Variants in WWC2 observed in about 807,000 individuals in gnomAD.
WWC2 encodes protein WWC2.
In WWC2, 101 loss-of-function variants were observed where a neutral mutation model predicts 138.5. The observed-to-expected ratio is 0.73, with a 90% CI of 0.62 to 0.86. The LOEUF (loss-of-function observed/expected upper bound fraction) is 0.86, where lower values mean the gene tolerates loss of function less well. Among genes scored for constraint, WWC2 ranks in the 40% least tolerant of loss-of-function variants. The pLI is 0.00. For missense variants in WWC2, 1,420 were observed against 1,419.4 expected, an observed-to-expected ratio of 1.00 and a Z score of -0.01; for synonymous variants, 558 against 538.4, an observed-to-expected ratio of 1.04 and a Z score of -0.50.
At position 183,315,715 on chromosome 4, in the gene WWC2, G is replaced by T. The variant is rs4862155; in HGVS notation, c.3565G>T (p.Ala1189Ser). 8 of 1,612,760 alleles carry T rather than the reference G, an allele frequency of 5.0e-6. No individual in the cohort carries two copies. Among genetic ancestry groups the T allele is most frequent in the Non-Finnish European group, 6.8e-6 (8 of 1,179,012 alleles). ...AAAGATAAGCATCCCATCCCTGCCA[G>T]CTGATGATGTGTGATTACATGACTT... is the stretch of plus-strand genomic sequence containing the variant. ...RAKISIPSLPADDV is the reference protein window; with the variant it reads ...RAKISIPSLPSDDV The change falls in exon 23 of 23, where the codon GCT becomes TCT. Residue 1189 changes from alanine to serine, a missense_variant. Transcript: ENST00000403733.
chr4:183,155,662 C>T (rs1733784576), intron 1 of WWC2, among the ~76,000 whole-genome samples: 1 of 152,100 alleles, frequency 6.6e-6, no homozygotes, highest in East Asian at 1.9e-4. Flanking sequence ...ATTATTCTCC[C>T]TGTTAGCAGT....
At chr4:183,229,448 C>A (rs961062020) in intron 4 of WWC2, among the ~76,000 whole-genome samples, 3 of 152,096 alleles carry the variant, frequency 2.0e-5, no homozygotes, top group Non-Finnish European at 4.4e-5. Flanking sequence ...TGGGCTGGAT[C>A]CAGTGAGTAT....
chr4:183,147,617 G>C (rs533424864), intron 1 of WWC2, among the ~76,000 whole-genome samples: 1 of 152,324 alleles, frequency 6.6e-6, no homozygotes, highest in East Asian at 1.9e-4. Context: ...TGTCATAAAA[G>C]AGAATATTGA....
chr4:183,288,775 T>C (rs1409924585), intron 20 of WWC2, among the ~76,000 whole-genome samples: 2 of 152,092 alleles, frequency 1.3e-5, no homozygotes, highest in Admixed American at 6.5e-5. Flanking sequence ...TAGCACACAA[T>C]GGGAAATCAA....
chr4:183,205,103 A>C (rs1420656520), intron 2 of WWC2, among the ~76,000 whole-genome samples: 3 of 152,188 alleles, frequency 2.0e-5, no homozygotes, highest in Non-Finnish European at 4.4e-5. Flanking sequence ...GTAAATAACA[A>C]GTTGTAGGAT....
At chr4:183,124,723 GAGAT>G (rs1732709191) in intron 1 of WWC2, among the ~76,000 whole-genome samples, 2 of 151,884 alleles carry the variant, frequency 1.3e-5, no homozygotes. Flanking sequence ...CCGAGTAGCT[GAGAT>G]TACAGGCACG....
At chr4:183,113,313 G>A (rs1023205990) in intron 1 of WWC2, among the ~76,000 whole-genome samples, 1 of 151,830 alleles carries the variant, frequency 6.6e-6, no homozygotes, top group African/African-American at 2.4e-5. Context: ...AGGCAGAGAA[G>A]TATTAGGTTG....
intron 1 of WWC2, among the ~76,000 whole-genome samples, chr4:183,149,621 T>TAAA (rs776141200): frequency 1.5e-5 from 2 of 134,602 alleles, no homozygotes; most frequent in Non-Finnish European, 3.2e-5. Context: ...AAACTCTGTC[T>TAAA]AAAAAAAAAA....
intron 1 of WWC2, among the ~76,000 whole-genome samples, chr4:183,179,172 T>C (rs1057384757): frequency 2.6e-5 from 4 of 152,174 alleles, no homozygotes; most frequent in African/African-American, 4.8e-5. Context: ...TTATATTTTC[T>C]AGGCTGTATG....
chr4:183,228,798 A>AGT (rs1553969335), intron 4 of WWC2, among the ~76,000 whole-genome samples: 3 of 151,960 alleles, frequency 2.0e-5, no homozygotes, highest in Non-Finnish European at 4.4e-5. Flanking sequence ...CCTAGAGTAG[A>AGT]GTGTTTGTAG....
intron 1 of WWC2, among the ~76,000 whole-genome samples, chr4:183,172,357 G>A (rs373136309): frequency 6.6e-6 from 1 of 152,096 alleles, no homozygotes; most frequent in African/African-American, 2.4e-5. Flanking sequence ...GTGGAGTAGC[G>A]TTGGAAAGGG....
intron 1 of WWC2, among the ~76,000 whole-genome samples, chr4:183,113,679 T>G (rs990545549): frequency 6.6e-6 from 1 of 151,966 alleles, no homozygotes; most frequent in African/African-American, 2.4e-5. Flanking sequence ...TTTACAGGTG[T>G]GAGCCACTGT....
intron 4 of WWC2, among the ~76,000 whole-genome samples, chr4:183,225,818 T>C (rs763518621): frequency 3.9e-5 from 6 of 152,230 alleles, no homozygotes; most frequent in Admixed American, 6.5e-5. Flanking sequence ...ACTGCTCTCA[T>C]GGAGCTTATG....
intron 6 of WWC2, among the ~76,000 whole-genome samples, chr4:183,247,993 A>G (rs73870394): frequency 0.043 from 6,488 of 151,788 alleles, 494 homozygotes; most frequent in African/African-American, 0.15. Context: ...TGTTTTAAGT[A>G]ATTCAGATTA....
chr4:183,230,502 C>T (rs1000029665), intron 4 of WWC2, among the ~76,000 whole-genome samples: 1 of 152,090 alleles, frequency 6.6e-6, no homozygotes, highest in Non-Finnish European at 1.5e-5. Flanking sequence ...TATGGTGAAA[C>T]CCCATCTCTA....
intron 1 of WWC2, among the ~76,000 whole-genome samples, chr4:183,181,641 G>T (rs1398446005): frequency 6.6e-6 from 1 of 151,986 alleles, no homozygotes; most frequent in Non-Finnish European, 1.5e-5. Flanking sequence ...TACAAAATAC[G>T]TTACTTGACT....
intron 14 of WWC2, among the ~76,000 whole-genome samples, chr4:183,268,769 CA>C (rs1020027202): frequency 5.3e-5 from 8 of 152,180 alleles, no homozygotes; most frequent in African/African-American, 1.9e-4. Context: ...ATTGCATGCT[CA>C]GGGGCGTAGT....
At chr4:183,167,169 G>A (rs1734152459) in intron 1 of WWC2, among the ~76,000 whole-genome samples, 1 of 152,150 alleles carries the variant, frequency 6.6e-6, no homozygotes. Flanking sequence ...GAACTCTGGT[G>A]TTGATTTTTA....
chr4:183,206,630 T>C (rs550477635), intron 2 of WWC2, among the ~76,000 whole-genome samples: 1 of 152,298 alleles, frequency 6.6e-6, no homozygotes, highest in Admixed American at 6.5e-5. Flanking sequence ...GAAACCTCTT[T>C]TATTTACTCT....
Sources: gnomAD v4.1 joint callset for allele counts (sites outside exome capture counted in the v4.1 genomes callset) on GRCh38, gnomAD v4.1.1 for gene constraint, MANE v1.5 for transcripts, NCBI Gene and HGNC (gene_info 2026-07-23, HGNC 2026-07-21) for gene names.